NRXN3: variants seen among roughly 807,000 people sequenced by gnomAD.
NRXN3 encodes the protein neurexin 3, also known as neurexin III.
A neutral mutation model predicts 137.6 loss-of-function variants in NRXN3; 32 were observed. The observed-to-expected ratio is 0.23, with a 90% CI of 0.18 to 0.31. NRXN3 has a LOEUF of 0.31. Ranked by LOEUF, NRXN3 falls within the 10% of genes least tolerant of loss-of-function variation. The probability of loss-of-function intolerance (pLI) is 1.00; values close to 1 mark genes in which losing one functional copy is unlikely to be tolerated. For synonymous variants in NRXN3, 798 were observed against 784.5 expected, an observed-to-expected ratio of 1.02 and a Z score of -0.29; for missense variants, 1,574 against 2,062.5, an observed-to-expected ratio of 0.76 and a Z score of 4.59.
intron 10 of NRXN3, among the ~76,000 whole-genome samples, chr14:78,845,255 G>A (rs2099023376): frequency 1.3e-5 from 2 of 151,934 alleles, no homozygotes; most frequent in African/African-American, 4.8e-5. Context: ...AAATATGATA[G>A]CCAACTTTTG....
intron 15 of NRXN3, among the ~76,000 whole-genome samples, chr14:79,024,037 T>C (rs908625822): frequency 7.2e-5 from 11 of 152,062 alleles, no homozygotes; most frequent in African/African-American, 2.7e-4. Context: ...ATCCATTCCA[T>C]CCCTTCCATA....
At chr14:79,789,073 CAGAGGTGG>C (rs1475235722) in intron 19 of NRXN3, among the ~76,000 whole-genome samples, 4 of 152,052 alleles carry the variant, frequency 2.6e-5, no homozygotes, top group Admixed American at 2.6e-4. Context: ...CACTGGAGTC[CAGAGGTGG>C]AGGATCTTGA....
At chr14:78,470,947 G>C (rs1027985457) in intron 4 of NRXN3, among the ~76,000 whole-genome samples, 2 of 152,096 alleles carry the variant, frequency 1.3e-5, no homozygotes, top group Admixed American at 1.3e-4. Context: ...ACCAACCCTG[G>C]AACTCAGGAC....
At chr14:78,726,443 G>T (rs986481225) in intron 8 of NRXN3, among the ~76,000 whole-genome samples, 1 of 123,354 alleles carries the variant, frequency 8.1e-6, no homozygotes, top group Non-Finnish European at 1.7e-5. Context: ...TGTGGTATTT[G>T]GTTTTCTGTT....
chr14:78,450,912 GGT>G (rs147013752), intron 4 of NRXN3, among the ~76,000 whole-genome samples: 39 of 150,114 alleles, frequency 2.6e-4, no homozygotes, highest in East Asian at 7.8e-4. Context: ...CGGTGTTTGG[GGT>G]GTGTGTGTGT....
intron 1 of NRXN3, among the ~76,000 whole-genome samples, chr14:78,239,723 G>C (rs541371365): frequency 1.3e-5 from 2 of 151,572 alleles, no homozygotes; most frequent in African/African-American, 4.8e-5. Flanking sequence ...TTTTTTTTGA[G>C]ACAGAGTCTT....
At chr14:79,535,572 C>A (rs6574510) in intron 16 of NRXN3, among the ~76,000 whole-genome samples, 143,974 of 152,196 alleles carry the variant, frequency 0.95, 68,143 homozygotes, top group East Asian at 1. Flanking sequence ...AGCAGGCATT[C>A]TACCTTTTTG....
chr14:79,203,314 TTAGA>T (rs1436356564), intron 15 of NRXN3, among the ~76,000 whole-genome samples: 1 of 152,170 alleles, frequency 6.6e-6, no homozygotes, highest in East Asian at 1.9e-4. Flanking sequence ...AAAAAGGATA[TTAGA>T]TAGTTCACAG....
At position 78,518,739 on chromosome 14, in the gene NRXN3, G is replaced by A. The variant is rs1181692607; in HGVS notation, c.758-126381G>A. ...TCTGCTATAAAATGGTGAGATCATA[G>A]CCCATGCCCTAATTGGTTCACAGAT... On this transcript the variant is annotated intron_variant, in intron 4 of 20. Transcript: ENST00000335750. Among the ~76,000 whole-genome samples the A allele has an allele frequency of 5.3e-5, 8 of 152,212 alleles. No homozygotes were observed. In the East Asian group the frequency reaches 1.5e-3, roughly 29 times the overall value.
intron 4 of NRXN3, among the ~76,000 whole-genome samples, chr14:78,494,768 T>C (rs1302185630): frequency 1.3e-5 from 2 of 152,304 alleles, no homozygotes; most frequent in African/African-American, 4.8e-5. Flanking sequence ...ATACAGTAAA[T>C]GCATTGGTAT....
chr14:78,550,191 C>T (rs562717185), intron 4 of NRXN3, among the ~76,000 whole-genome samples: 1 of 152,050 alleles, frequency 6.6e-6, no homozygotes, highest in East Asian at 1.9e-4. Context: ...TGTGCCACCA[C>T]GCCTGGCTAA....
At chr14:78,230,328 G>GTC (rs112795410) in intron 1 of NRXN3, among the ~76,000 whole-genome samples, 132 of 148,806 alleles carry the variant, frequency 8.9e-4, no homozygotes, top group South Asian at 2.4e-3. Context: ...GTCTCTGTCT[G>GTC]TCTCTCTCTC....
intron 4 of NRXN3, among the ~76,000 whole-genome samples, chr14:78,506,395 T>G (rs12588058): frequency 0.42 from 63,457 of 152,012 alleles, 13,423 homozygotes; most frequent in East Asian, 0.51. Flanking sequence ...GGGGTGCAGA[T>G]ATCTCTTTGA....
intron 15 of NRXN3, among the ~76,000 whole-genome samples, chr14:79,273,133 C>T (rs8014670): frequency 0.043 from 5,679 of 132,188 alleles, 396 homozygotes; most frequent in African/African-American, 0.15. Context: ...GATCACGCCA[C>T]TGCATTCCAG....
chr14:79,565,769 T>C (rs2097545493), intron 16 of NRXN3, among the ~76,000 whole-genome samples: 1 of 152,102 alleles, frequency 6.6e-6, no homozygotes, highest in African/African-American at 2.4e-5. Flanking sequence ...ACATTGACTG[T>C]TCTTAGGTTA....
At chr14:79,777,112 G>A (rs1049474892) in intron 19 of NRXN3, among the ~76,000 whole-genome samples, 2 of 152,116 alleles carry the variant, frequency 1.3e-5, no homozygotes, top group Non-Finnish European at 2.9e-5. Flanking sequence ...TTGTGGCAGA[G>A]GCTATAATAA....
At chr14:79,560,190 T>A (rs560582388) in intron 16 of NRXN3, among the ~76,000 whole-genome samples, 1 of 152,282 alleles carries the variant, frequency 6.6e-6, no homozygotes, top group African/African-American at 2.4e-5. Context: ...GAATGCCTTT[T>A]CATGTGAAAA....
At chr14:78,410,302 CTA>C (rs2092746757) in intron 4 of NRXN3, among the ~76,000 whole-genome samples, 1 of 152,284 alleles carries the variant, frequency 6.6e-6, no homozygotes, top group African/African-American at 2.4e-5. Flanking sequence ...CTTGAGTGAC[CTA>C]TGTTATAGCT....
rs919138966 is a variant in NRXN3, at chr14:79,706,419, C to CTT, written c.4014+8501_4014+8502dup. ...GGAAAATTAACTTGAGGCTTTTTTA[C>CTT]TTTTTTTTTTTTTTTTTTTTGGTCT... On this transcript the variant is annotated intron_variant, in intron 19 of 20. Coordinates refer to ENST00000335750, the MANE Select transcript of NRXN3 (RefSeq NM_001330195.2). Among the ~76,000 whole-genome samples the CTT allele has an allele frequency of 7.3e-3, 845 of 115,960 alleles. 26 individuals carry two copies. The highest frequency in any genetic ancestry group is 0.056 in the East Asian group (223 of 3,958). The allele number at this position is 115,960 out of a possible 152,430, so 76.1% of individuals were successfully genotyped here. A position where few individuals can be genotyped will look rare whatever the true frequency, so the allele number is the denominator to read the frequency against.
Sources: allele counts gnomAD v4.1 joint callset (sites outside exome capture counted in the v4.1 genomes callset), GRCh38; gene constraint gnomAD v4.1.1; transcripts MANE v1.5; gene names NCBI Gene and HGNC (gene_info 2026-07-23, HGNC 2026-07-21).